Variants in ZEB1 observed in about 807,000 individuals in gnomAD.
ZEB1 encodes zinc finger E-box binding homeobox 1.
Under a neutral mutation model 84.9 loss-of-function variants are expected in ZEB1, and 21 were observed. The observed-to-expected ratio is 0.25, with a 90% CI of 0.18 to 0.36. ZEB1 has a LOEUF of 0.36. Among genes scored for constraint, ZEB1 ranks in the 10% least tolerant of loss-of-function variants. The pLI is 1.00. For synonymous variants in ZEB1, 420 were observed against 471.1 expected, an observed-to-expected ratio of 0.89 and a Z score of 1.41; for missense variants, 1,104 against 1,330.2, an observed-to-expected ratio of 0.83 and a Z score of 2.65.
rs1165289776 is a variant in ZEB1, at chr10:31,368,546, T to C, written c.58+49254T>C. Among the ~76,000 whole-genome samples the C allele has an allele frequency of 1.3e-5, 2 of 152,180 alleles. 1 individual carries two copies. Among genetic ancestry groups the C allele is most frequent in the Non-Finnish European group, 2.9e-5 (2 of 68,038 alleles). On this transcript the variant is annotated intron_variant, in intron 1 of 8. Transcript: ENST00000424869. ...TGTAAATAGCTATTATATTGATTTTTATTTGTATTATTTTTTATTGTTTTG... is the reference window on the plus strand; with the variant it reads ...TGTAAATAGCTATTATATTGATTTTCATTTGTATTATTTTTTATTGTTTTG...
At chr10:31,440,721 A>G (rs2058838484) in intron 1 of ZEB1, among the ~76,000 whole-genome samples, 2 of 152,188 alleles carry the variant, frequency 1.3e-5, no homozygotes, top group South Asian at 4.1e-4. Context: ...TCAGGATACA[A>G]AATCTATGGG....
At chr10:31,500,472 AC>A (rs1268875541) in intron 3 of ZEB1, among the ~76,000 whole-genome samples, 1 of 152,046 alleles carries the variant, frequency 6.6e-6, no homozygotes, top group South Asian at 2.1e-4. Flanking sequence ...GGACCAGCAT[AC>A]CCCCATTTCA....
At chr10:31,330,330 T>A (rs2036481268) in intron 1 of ZEB1, among the ~76,000 whole-genome samples, 1 of 152,188 alleles carries the variant, frequency 6.6e-6, no homozygotes, top group African/African-American at 2.4e-5. Context: ...TTTGAACATT[T>A]TTAACTGAGA....
At chr10:31,345,308 G>T (rs967583404) in intron 1 of ZEB1, among the ~76,000 whole-genome samples, 2 of 152,076 alleles carry the variant, frequency 1.3e-5, no homozygotes, top group East Asian at 1.9e-4. Flanking sequence ...AGGGGCGGGG[G>T]TTGTATTATA....
intron 2 of ZEB1, among the ~76,000 whole-genome samples, chr10:31,475,710 A>G (rs911817159): frequency 1.3e-5 from 2 of 152,164 alleles, no homozygotes; most frequent in Admixed American, 6.6e-5. Context: ...ATTGAAGGAG[A>G]AATAGTCTTT....
chr10:31,320,066 G>C (rs1376281644), intron 1 of ZEB1: 1 of 151,450 alleles, frequency 6.6e-6, no homozygotes, highest in Admixed American at 6.6e-5. Flanking sequence ...GCGGGGGCGC[G>C]GGTCCCTAAG....
intron 1 of ZEB1, among the ~76,000 whole-genome samples, chr10:31,364,427 G>A (rs1324801879): frequency 6.6e-6 from 1 of 152,168 alleles, no homozygotes; most frequent in East Asian, 1.9e-4. Flanking sequence ...CAGTGGCCCT[G>A]TTTTGGCCGG....
rs140617391 is a variant in ZEB1 at position 31,526,979 on chromosome 10, G to A, written c.3093G>A (p.Arg1031=). The A allele has an allele frequency of 5.5e-4, 892 of 1,612,692 alleles. No individual in the cohort carries two copies. Among genetic ancestry groups the A allele is most frequent in the Non-Finnish European group, 7.2e-4 (846 of 1,179,306 alleles). Residue 1031 remains arginine, a synonymous_variant, in exon 9 of 9, where the codon AGG becomes AGA. Transcript: ENST00000424869. ...GDSDERESLT[R]EEDEDSEKEE... ...CGGACGAGAGAGAGAGTTTGACAAG[G>A]GAAGAGGATGAAGACAGTGAAAAAG...
In ZEB1 at chr10:31,421,616, G is replaced by GA. The variant is rs201210871; in HGVS notation, c.59-39412dup. On this transcript the variant is annotated intron_variant, in intron 1 of 8. Coordinates refer to ENST00000424869, the MANE Select transcript of ZEB1 (RefSeq NM_001174096.2). ...GTTTATCTGTTAAAACCCAGCTTAG[G>GA]AAAAAAAAAGCTTAGACATTGCCTC... 4.0e-4 allele frequency among the ~76,000 whole-genome samples: 60 copies of GA among 149,382 alleles called. No individual in the cohort carries two copies. The South Asian group carries it at 0.012, about 29-fold the overall frequency.
At chr10:31,456,111 C>T (rs2061185657) in intron 1 of ZEB1, among the ~76,000 whole-genome samples, 1 of 152,146 alleles carries the variant, frequency 6.6e-6, no homozygotes, top group African/African-American at 2.4e-5. Flanking sequence ...TTTGCAGGGA[C>T]ATGGATGAAG....
At chr10:31,523,424 AC>A (rs746277189) in intron 7 of ZEB1, among the ~76,000 whole-genome samples, 25 of 152,210 alleles carry the variant, frequency 1.6e-4, no homozygotes, top group Non-Finnish European at 2.9e-5. Context: ...AGGTTAAAGA[AC>A]CCTGAAGTTC....
intron 1 of ZEB1, among the ~76,000 whole-genome samples, chr10:31,359,406 G>A (rs2042624240): frequency 6.6e-6 from 1 of 151,986 alleles, no homozygotes; most frequent in Admixed American, 6.6e-5. Context: ...GAGTACATTG[G>A]AGTAACAAAA....
intron 4 of ZEB1, among the ~76,000 whole-genome samples, chr10:31,506,256 A>G (rs1170549849): frequency 1.3e-5 from 2 of 152,128 alleles, no homozygotes; most frequent in East Asian, 1.9e-4. Flanking sequence ...AGTTGGTTAA[A>G]ATGTTCTGTA....
chr10:31,460,980 A>G lies in ZEB1; in HGVS notation c.59-57A>G, dbSNP rs1039668189. ...CATCTTTTTTATTTTTCTGAGATGT[A>G]AAAACTGATTGTTTTACTAGTTGGT... On this transcript the variant is annotated intron_variant, in intron 1 of 8. Transcript: ENST00000424869. 2.9e-6 allele frequency: 4 copies of G among 1,395,098 alleles called. No individual in the cohort carries two copies. The African/African-American group carries it at 5.7e-5, about 20-fold the overall frequency. 86.4% of individuals were successfully genotyped at this position (1,395,098 alleles called of 1,614,324 possible). A position where few individuals can be genotyped will look rare whatever the true frequency, so the allele number is the denominator to read the frequency against.
At chr10:31,484,862 T>C (rs1289266821) in intron 2 of ZEB1, among the ~76,000 whole-genome samples, 1 of 151,992 alleles carries the variant, frequency 6.6e-6, no homozygotes, top group African/African-American at 2.4e-5. Flanking sequence ...TCAGAACAAC[T>C]TAGAGAAAAA....
chr10:31,439,337 G>T (rs1430957047), intron 1 of ZEB1, among the ~76,000 whole-genome samples: 1 of 152,052 alleles, frequency 6.6e-6, no homozygotes, highest in Non-Finnish European at 1.5e-5. Flanking sequence ...TAATTTGCAC[G>T]GTGCCAAGAA....
intron 1 of ZEB1, among the ~76,000 whole-genome samples, chr10:31,326,218 G>A (rs2035463596): frequency 6.6e-6 from 1 of 152,114 alleles, no homozygotes; most frequent in Admixed American, 6.5e-5. Context: ...ATAACATGTA[G>A]TGAAATCCTT....
intron 1 of ZEB1, among the ~76,000 whole-genome samples, chr10:31,336,602 C>T (rs543562833): frequency 5.3e-5 from 8 of 152,040 alleles, no homozygotes; most frequent in East Asian, 1.9e-4. Context: ...TGCCTAATCC[C>T]GTATTTAGCA....
chr10:31,453,110 G>T (rs904522898), intron 1 of ZEB1, among the ~76,000 whole-genome samples: 1 of 152,092 alleles, frequency 6.6e-6, no homozygotes, highest in African/African-American at 2.4e-5. Context: ...ACATGCAAAT[G>T]AGTGCATGCT....
Sources: allele counts gnomAD v4.1 joint callset (sites outside exome capture counted in the v4.1 genomes callset), GRCh38; gene constraint gnomAD v4.1.1; transcripts MANE v1.5; gene names NCBI Gene and HGNC (gene_info 2026-07-23, HGNC 2026-07-21).